The following CACNB2 variants were observed in gnomAD, a reference collection of about 807,000 sequenced individuals.
CACNB2 encodes the protein calcium voltage-gated channel auxiliary subunit beta 2.
In CACNB2, 42 loss-of-function variants were observed where a neutral mutation model predicts 73.3. The ratio of observed to expected loss-of-function variants is 0.57; its 90% CI spans 0.45 to 0.74. The LOEUF is 0.74. Among genes scored for constraint, CACNB2 ranks in the 30% least tolerant of loss-of-function variants. The probability of loss-of-function intolerance (pLI) is 0.00; values close to 1 mark genes in which losing one functional copy is unlikely to be tolerated. For missense variants in CACNB2, 940 were observed against 853.0 expected (o/e 1.10, Z -1.27); for synonymous variants, 348 against 310.3 (o/e 1.12, Z -1.28).
At chr10:18,289,652 C>T (rs2038977991) in intron 2 of CACNB2, among the ~76,000 whole-genome samples, 2 of 152,056 alleles carry the variant, frequency 1.3e-5, no homozygotes, top group East Asian at 3.9e-4. Flanking sequence ...CCACAGAGAA[C>T]ATTTTCAGCA....
intron 2 of CACNB2, among the ~76,000 whole-genome samples, chr10:18,205,773 C>T (rs974337492): frequency 6.6e-6 from 1 of 152,032 alleles, no homozygotes; most frequent in African/African-American, 2.4e-5. Flanking sequence ...TTCAATGTTC[C>T]CTGCTCCTCA....
At chr10:18,513,454 T>C (rs998999092) in intron 6 of CACNB2, 3 of 231,564 alleles carry the variant, frequency 1.3e-5, no homozygotes, top group Non-Finnish European at 1.7e-5. Context: ...CAACTTCCAA[T>C]GGTCAGCCAC....
chr10:18,150,853 G>GTTT, intron 1 of CACNB2, 30 bp from the exon 2 acceptor site: 10 of 655,032 alleles, frequency 1.5e-5, no homozygotes, highest in Admixed American at 8.0e-5. Context: ...AATCTTATTT[G>GTTT]TCTTTTTTTT....
intron 3 of CACNB2, among the ~76,000 whole-genome samples, chr10:18,446,275 T>G (rs1397398168): frequency 1.3e-5 from 2 of 152,174 alleles, no homozygotes; most frequent in African/African-American, 4.8e-5. Flanking sequence ...ATTTTCTGTG[T>G]GATTGACTAT....
intron 2 of CACNB2, among the ~76,000 whole-genome samples, chr10:18,247,293 C>T (rs759444706): frequency 4.6e-5 from 7 of 152,202 alleles, no homozygotes; most frequent in African/African-American, 1.2e-4. Context: ...TCCTAGACAT[C>T]GTATCTTTTT....
chr10:18,342,733 T>G, intron 2 of CACNB2, among the ~76,000 whole-genome samples: 1 of 152,288 alleles, frequency 6.6e-6, no homozygotes, highest in Middle Eastern at 3.4e-3. Flanking sequence ...TTCAACACTT[T>G]AAATTCAGTC....
At chr10:18,389,218 C>A (rs1452957955) in intron 2 of CACNB2, among the ~76,000 whole-genome samples, 2 of 152,140 alleles carry the variant, frequency 1.3e-5, no homozygotes, top group Admixed American at 1.3e-4. Context: ...TTCACTGTAG[C>A]CTTGAACTCC....
At chr10:18,467,804 C>T (rs1344896203) in intron 3 of CACNB2, among the ~76,000 whole-genome samples, 1 of 152,138 alleles carries the variant, frequency 6.6e-6, no homozygotes, top group South Asian at 2.1e-4. Context: ...CTTTGCAAAA[C>T]TTCCATTTTT....
At chr10:18,491,996 C>G (rs920728386) in intron 3 of CACNB2, among the ~76,000 whole-genome samples, 4 of 152,086 alleles carry the variant, frequency 2.6e-5, no homozygotes, top group African/African-American at 9.7e-5. Flanking sequence ...GTTCTGCAAG[C>G]TGTACAGGAA....
intron 2 of CACNB2, among the ~76,000 whole-genome samples, chr10:18,152,743 A>AC (rs2031702552): frequency 7.2e-6 from 1 of 138,786 alleles, no homozygotes; most frequent in African/African-American, 2.7e-5. Context: ...CAAAAAACAA[A>AC]ACACTAGCTC....
intron 2 of CACNB2, among the ~76,000 whole-genome samples, chr10:18,399,002 G>A (rs1044099576): frequency 1.3e-4 from 20 of 152,242 alleles, no homozygotes; most frequent in South Asian, 2.1e-4. Flanking sequence ...CCGGGAATGC[G>A]ACCGCGGGAA....
chr10:18,190,429 A>G (rs2034345277), intron 2 of CACNB2, among the ~76,000 whole-genome samples: 1 of 152,144 alleles, frequency 6.6e-6, no homozygotes, highest in Non-Finnish European at 1.5e-5. Context: ...CCTTCTGTGT[A>G]AGAAGACTTG....
intron 2 of CACNB2, among the ~76,000 whole-genome samples, chr10:18,303,430 A>G (rs1240749653): frequency 1.3e-5 from 2 of 152,140 alleles, no homozygotes; most frequent in Non-Finnish European, 2.9e-5. Flanking sequence ...GCTTGAGCCC[A>G]GGTTGGGAAG....
At chr10:18,401,010 C>T in intron 2 of CACNB2, 3 of 1,613,978 alleles carry the variant, frequency 1.9e-6, no homozygotes, top group Non-Finnish European at 2.5e-6. Context: ...CAGCTGCGGA[C>T]GATAAAGGCG....
chr10:18,146,306 AT>A (rs10714038), intron 1 of CACNB2, among the ~76,000 whole-genome samples: 32,477 of 118,694 alleles, frequency 0.27, 3,322 homozygotes, highest in Non-Finnish European at 0.3. Context: ...ATGGAGACTA[AT>A]TTTTTTTTTT....
chr10:18,287,535 C>T (rs183667583), intron 2 of CACNB2, among the ~76,000 whole-genome samples: 1 of 151,738 alleles, frequency 6.6e-6, no homozygotes, highest in Admixed American at 6.5e-5. Flanking sequence ...AATTTACTGT[C>T]TCACAGCTCT....
chr10:18,512,947 C>G (rs2050905119), intron 6 of CACNB2, among the ~76,000 whole-genome samples: 1 of 152,118 alleles, frequency 6.6e-6, no homozygotes, highest in African/African-American at 2.4e-5. Flanking sequence ...AGAACTGGGC[C>G]CTTTTTGTTG....
intron 3 of CACNB2, among the ~76,000 whole-genome samples, chr10:18,422,374 C>CT (rs1442627352): frequency 6.6e-6 from 1 of 152,198 alleles, no homozygotes; most frequent in Non-Finnish European, 1.5e-5. Flanking sequence ...CCCGATTGTC[C>CT]TTTTTCCCTG....
Position 18,541,182 on chromosome 10 carries a change from C to T in CACNB2, c.*1458C>T, listed in dbSNP as rs1198030846. On this transcript the variant is annotated 3_prime_UTR_variant, in exon 14 of 14. Coordinates refer to ENST00000324631, the MANE Select transcript of CACNB2 (RefSeq NM_201596.3). ...CCAGTTACCTACCATTCCTCCCCAC[C>T]ACCGACTCCAGCAGGTTCACTGTCT... 6.5e-6 allele frequency: 1 copy of T among 152,716 alleles called. No homozygotes were observed. The highest frequency in any genetic ancestry group is 1.5e-5 in the Non-Finnish European group (1 of 68,042). The allele number at this position is 152,716 out of a possible 1,614,324, so 9.5% of individuals were successfully genotyped here.
Sources: gnomAD v4.1 joint callset for allele counts (sites outside exome capture counted in the v4.1 genomes callset) on GRCh38, gnomAD v4.1.1 for gene constraint, MANE v1.5 for transcripts, NCBI Gene and HGNC (gene_info 2026-07-23, HGNC 2026-07-21) for gene names.